TRAM1: variants seen among roughly 807,000 people sequenced by gnomAD.
TRAM1 encodes translocation associated membrane protein 1.
Under a neutral mutation model 48.7 loss-of-function variants are expected in TRAM1, and 17 were observed. The observed-to-expected ratio is 0.35, with a 90% CI of 0.24 to 0.52. The LOEUF (loss-of-function observed/expected upper bound fraction) is 0.52, where lower values mean the gene tolerates loss of function less well. TRAM1 is among the 20% of genes least tolerant of loss of function. The pLI, the probability that TRAM1 is intolerant of heterozygous loss-of-function variation, is 0.94. For missense variants in TRAM1, 351 were observed against 441.5 expected (o/e 0.79, Z 1.84); for synonymous variants, 182 against 154.0 (o/e 1.18, Z -1.34).
At chr8:70,598,700 A>C (rs1817541779) in intron 2 of TRAM1, among the ~76,000 whole-genome samples, 1 of 152,194 alleles carries the variant, frequency 6.6e-6, no homozygotes, top group Non-Finnish European at 1.5e-5. Flanking sequence ...TATTTGATTT[A>C]GTTTTGATCT....
At position 70,608,289 on chromosome 8, in the gene TRAM1, G is replaced by C; in HGVS notation, c.-90C>G. Reference sequence around the variant, plus strand: ...GACTCGCCGCCGCCTCCCGCTGGCTGCTCCTCACGGCCCCGCTGCAGCCGC... The same window carrying C: ...GACTCGCCGCCGCCTCCCGCTGGCTCCTCCTCACGGCCCCGCTGCAGCCGC... On this transcript the variant is annotated 5_prime_UTR_variant, in exon 1 of 11. Transcript: ENST00000262213. 1 of 1,460,416 alleles carries C rather than the reference G, an allele frequency of 6.8e-7. No homozygotes were observed. The allele number at this position is 1,460,416 out of a possible 1,614,324, so 90.5% of individuals were successfully genotyped here. A position where few individuals can be genotyped will look rare whatever the true frequency, so the allele number is the denominator to read the frequency against.
Position 70,574,084 on chromosome 8 carries a change from AAAGTGTTTGCAGGTTAAACTTTTCT to A in TRAM1, c.*823_*847del, listed in dbSNP as rs1816886327. On this transcript the variant is annotated 3_prime_UTR_variant, in exon 11 of 11. Coordinates refer to ENST00000262213, the MANE Select transcript of TRAM1 (RefSeq NM_014294.6). ...TAAATCAAGTAGGCATTATGTTTTAAAAGTGTTTGCAGGTTAAACTTTTCTAAGATGCTGTGCATATTAAACTTAT... is the reference window on the plus strand; with the variant it reads ...TAAATCAAGTAGGCATTATGTTTTAAAAGATGCTGTGCATATTAAACTTAT... 1 of 249,484 alleles carries A rather than the reference AAAGTGTTTGCAGGTTAAACTTTTCT, an allele frequency of 4.0e-6. No homozygotes were observed. Among genetic ancestry groups the A allele is most frequent in the Admixed American group, 5.9e-5 (1 of 17,040 alleles). 15.5% of individuals were successfully genotyped at this position (249,484 alleles called of 1,614,324 possible).
Position 70,583,165 on chromosome 8 carries a change from T to A in TRAM1, c.1050A>T (p.Thr350=). ...VTKGRSSKKG[T]ENGVNGTLTS... ...TTTCATTGCTTACTGAATACAAACCTGTTCCTTTTTTAGAAGATCTGCCTT... is the reference window on the plus strand; with the variant it reads ...TTTCATTGCTTACTGAATACAAACCAGTTCCTTTTTTAGAAGATCTGCCTT... Residue 350 remains threonine (T), a splice_region_variant and synonymous_variant, in exon 10 of 11, where the codon ACA becomes ACT. Coordinates refer to ENST00000262213, the MANE Select transcript of TRAM1 (RefSeq NM_014294.6). 2 of 1,612,866 alleles carry A rather than the reference T, an allele frequency of 1.2e-6. No individual in the cohort carries two copies. Among genetic ancestry groups the A allele is most frequent in the Non-Finnish European group, 1.7e-6 (2 of 1,179,698 alleles).
intron 6 of TRAM1, among the ~76,000 whole-genome samples, chr8:70,588,013 T>C (rs1253953071): frequency 6.6e-6 from 1 of 151,998 alleles, no homozygotes; most frequent in Non-Finnish European, 1.5e-5. Flanking sequence ...GGCCAGGAGT[T>C]CGAGATCAAC....
intron 6 of TRAM1, among the ~76,000 whole-genome samples, chr8:70,590,152 A>C (rs1412985308): frequency 1.3e-5 from 2 of 152,002 alleles, no homozygotes; most frequent in Non-Finnish European, 2.9e-5. Flanking sequence ...AAAAAAAAAA[A>C]AAAACTAATT....
At chr8:70,590,173 A>C (rs1817321106) in intron 6 of TRAM1, among the ~76,000 whole-genome samples, 1 of 151,454 alleles carries the variant, frequency 6.6e-6, no homozygotes. Context: ...TGCTGGAAAA[A>C]CTATAATGTA....
intron 4 of TRAM1, 36 bp downstream of exon 4, chr8:70,597,857 TAA>T (rs1817524358): frequency 2.1e-6 from 3 of 1,436,294 alleles, no homozygotes; most frequent in African/African-American, 1.4e-5. Flanking sequence ...TAATCTTAGA[TAA>T]GGAAGGAGAA....
chr8:70,580,189 T>A (rs1451230595), intron 10 of TRAM1, among the ~76,000 whole-genome samples: 1 of 152,058 alleles, frequency 6.6e-6, no homozygotes, highest in Admixed American at 6.5e-5. Flanking sequence ...GAAAAAACAC[T>A]CCCCAGTTCA....
chr8:70,590,073 G>A (rs569931971), intron 6 of TRAM1, among the ~76,000 whole-genome samples: 2 of 151,782 alleles, frequency 1.3e-5, no homozygotes, highest in South Asian at 2.1e-4. Flanking sequence ...AACTTATGAG[G>A]GAAGCGTTTT....
chr8:70,583,585 T>C lies in TRAM1; in HGVS notation c.890+65A>G, dbSNP rs1161327283. On this transcript the variant is annotated intron_variant, in intron 9 of 10. Coordinates refer to ENST00000262213, the MANE Select transcript of TRAM1 (RefSeq NM_014294.6). Reference sequence around the variant, plus strand: ...TCATCCTTTTTTAGATGATTCAATGTAGAGAAACTGATAATATATATTATC... The same window carrying C: ...TCATCCTTTTTTAGATGATTCAATGCAGAGAAACTGATAATATATATTATC... 3 of 1,555,904 alleles carry C rather than the reference T, an allele frequency of 1.9e-6. No individual in the cohort carries two copies. In the East Asian group the frequency reaches 6.8e-5, roughly 35 times the overall value.
chr8:70,604,286 T>G (rs1399775175), intron 1 of TRAM1, among the ~76,000 whole-genome samples: 1 of 152,246 alleles, frequency 6.6e-6, no homozygotes, highest in African/African-American at 2.4e-5. Context: ...GGTATCTTTC[T>G]TGTTATATAG....
Position 70,607,879 on chromosome 8 carries a change from T to C in TRAM1, c.123+198A>G, listed in dbSNP as rs1009148494. On this transcript the variant is annotated intron_variant, in intron 1 of 10. Transcript: ENST00000262213. The stretch of plus-strand genomic sequence containing the variant: ...CGATGAGGCCCACCGGGACTTTGCA[T>C]CTCCGGGCCGGCCGCCGGGGAGCTG... The C allele has an allele frequency of 1.2e-5, 7 of 563,064 alleles. No individual in the cohort carries two copies. The African/African-American group carries it at 1.4e-4, about 11-fold the overall frequency. The allele number at this position is 563,064 out of a possible 1,614,324, so 34.9% of individuals were successfully genotyped here. A position where few individuals can be genotyped will look rare whatever the true frequency, so the allele number is the denominator to read the frequency against.
chr8:70,597,804 C>T, intron 4 of TRAM1, 91 bp downstream of exon 4: 1 of 893,522 alleles, frequency 1.1e-6, no homozygotes, highest in Non-Finnish European at 1.6e-6. Flanking sequence ...ACAGATTTAT[C>T]ACTGAAACTC....
At chr8:70,598,392 T>A (rs945188981) in intron 2 of TRAM1, 137 bp from the exon 3 acceptor site, 1 of 704,390 alleles carries the variant, frequency 1.4e-6, no homozygotes, top group Admixed American at 4.0e-5. Flanking sequence ...AATAACGTGG[T>A]CTTGGACATC....
chr8:70,580,789 G>A (rs1350716406), intron 10 of TRAM1, among the ~76,000 whole-genome samples: 5 of 151,372 alleles, frequency 3.3e-5, no homozygotes, highest in Admixed American at 2.6e-4. Context: ...AATTCAGCAA[G>A]GTTGCAGGAT....
At chr8:70,595,925 G>A (rs1486907639) in intron 5 of TRAM1, among the ~76,000 whole-genome samples, 2 of 151,960 alleles carry the variant, frequency 1.3e-5, no homozygotes, top group Non-Finnish European at 2.9e-5. Flanking sequence ...AAGAGACAGG[G>A]GGTGGGGACA....
chr8:70,600,968 G>A (rs147997973), intron 1 of TRAM1, among the ~76,000 whole-genome samples: 346 of 152,304 alleles, frequency 2.3e-3, no homozygotes, highest in African/African-American at 7.5e-3. Context: ...ATCAGGAAGC[G>A]TTAGAAAAGA....
chr8:70,594,305 G>GTTTTTGT (rs1554534565), intron 6 of TRAM1, among the ~76,000 whole-genome samples: 2 of 126,082 alleles, frequency 1.6e-5, no homozygotes, highest in Non-Finnish European at 3.2e-5. Context: ...CTGACTGAAG[G>GTTTTTGT]TTTTTTTTTT....
At position 70,579,923 on chromosome 8, in the gene TRAM1, G is replaced by C. The variant is rs138925828; in HGVS notation, c.1051+3241C>G. On this transcript the variant is annotated intron_variant, in intron 10 of 10. Coordinates refer to ENST00000262213, the MANE Select transcript of TRAM1 (RefSeq NM_014294.6). The stretch of plus-strand genomic sequence containing the variant: ...TGTAAACTTTAGAATAAGTGAATTA[G>C]GAAGACTTTTTTCAGTACCTGGATA... Among the ~76,000 whole-genome samples the C allele has an allele frequency of 5.3e-3, 811 of 152,208 alleles. 10 individuals are homozygous for C. The highest frequency in any genetic ancestry group is 0.018 in the African/African-American group (765 of 41,538).
Sources: allele counts gnomAD v4.1 joint callset (sites outside exome capture counted in the v4.1 genomes callset), GRCh38; gene constraint gnomAD v4.1.1; transcripts MANE v1.5; gene names NCBI Gene and HGNC (gene_info 2026-07-23, HGNC 2026-07-21).